Variants in RNASEK observed in about 807,000 individuals in gnomAD.
RNASEK encodes the protein ribonuclease K, also known as ribonuclease kappa.
Under a neutral mutation model 11.2 loss-of-function variants are expected in RNASEK, and 7 were observed. The observed-to-expected ratio is 0.62, with a 90% CI of 0.35 to 1.17. The LOEUF (loss-of-function observed/expected upper bound fraction) is 1.17, where lower values mean the gene tolerates loss of function less well. Ranked by LOEUF, RNASEK falls within the 50% of genes most tolerant of loss-of-function variation. The pLI is 0.02. For synonymous variants in RNASEK, 46 were observed against 49.5 expected (o/e 0.93, Z 0.30); for missense variants, 101 against 126.7 (o/e 0.80, Z 0.97).
Position 7,012,754 on chromosome 17 carries a change from T to G in RNASEK, c.71T>G (p.Ile24Ser), listed in dbSNP as rs375139377. ...CGIVLSAWGV[I>S]MLIMLGIFFN... ...ATCGTCCTCAGCGCCTGGGGAGTGA[T>G]CATGTTGGTGAGGGGACTCCCCGGC... The change falls in exon 1 of 3, where the codon ATC becomes AGC. Residue 24 changes from isoleucine (I) to serine (S), a missense_variant. Coordinates refer to ENST00000593646, the MANE Select transcript of RNASEK (RefSeq NM_001004333.5). 6.2e-7 allele frequency: 1 copy of G among 1,612,750 alleles called. No individual in the cohort carries two copies. Among genetic ancestry groups the G allele is most frequent in the African/African-American group, 1.3e-5 (1 of 75,046 alleles).
rs751538929 is a variant in RNASEK at position 7,014,199 on chromosome 17, C to T, written c.210C>T (p.Phe70=). ...ACGAGCAAGTCAGCTACAACTGTTT[C>T]ATCGCTGCAGGCCTTTACCTCCTCC... The part of the protein sequence containing the change: ...NLYEQVSYNC[F]IAAGLYLLLG... The change falls in exon 3 of 3, where the codon TTC becomes TTT. Residue 70 remains phenylalanine (F), a synonymous_variant. Transcript: ENST00000593646. The surrounding 1 kb of genome is among the most constrained non-coding windows in gnomAD (Gnocchi z 4.5). 1.3e-6 allele frequency: 2 copies of T among 1,598,904 alleles called. No individual in the cohort carries two copies. Among genetic ancestry groups the T allele is most frequent in the African/African-American group, 1.3e-5 (1 of 74,682 alleles).
rs1346204552 is a variant in RNASEK at position 7,014,040 on chromosome 17, A to G, written c.156-105A>G. ...CATAGGATGGTCAAGAAGATTGAAT[A>G]AAGTAATACACGTAACAGCGCCTAA... On this transcript the variant is annotated intron_variant, in intron 2 of 2. Coordinates refer to ENST00000593646, the MANE Select transcript of RNASEK (RefSeq NM_001004333.5). The surrounding 1 kb of genome is among the most constrained non-coding windows in gnomAD (Gnocchi z 4.5). 6 of 1,067,634 alleles carry G rather than the reference A, an allele frequency of 5.6e-6. No homozygotes were observed. The highest frequency in any genetic ancestry group is 8.3e-6 in the Non-Finnish European group (6 of 721,164). 66.1% of individuals were successfully genotyped at this position (1,067,634 alleles called of 1,614,324 possible).
chr17:7,012,660 C>G lies in RNASEK; in HGVS notation c.-24C>G, dbSNP rs1909485641. On this transcript the variant is annotated 5_prime_UTR_variant, in exon 1 of 3. Transcript: ENST00000593646. ...CCGCTTTCCGAGCCCGCTTGCACCT[C>G]GGCGATCCCCGACTCCCTTCTTTAT... is the stretch of plus-strand genomic sequence containing the variant. 1 of 1,611,592 alleles carries G rather than the reference C, an allele frequency of 6.2e-7. No homozygotes were observed. Among genetic ancestry groups the G allele is most frequent in the African/African-American group, 1.3e-5 (1 of 75,072 alleles).
intron 1 of RNASEK, 71 bp downstream of exon 1, chr17:7,012,832 G>T: frequency 7.0e-7 from 1 of 1,438,794 alleles, no homozygotes; most frequent in Non-Finnish European, 9.6e-7. Context: ...GGGAGGCGAG[G>T]AAACTCTGGG....
In RNASEK at chr17:7,014,051, C is replaced by A. The variant is rs1333328846; in HGVS notation, c.156-94C>A. The A allele has an allele frequency of 1.7e-6, 2 of 1,163,038 alleles. No homozygotes were observed. Among genetic ancestry groups the A allele is most frequent in the Admixed American group, 2.1e-5 (1 of 47,922 alleles). The allele number at this position is 1,163,038 out of a possible 1,614,324, so 72.0% of individuals were successfully genotyped here. A position where few individuals can be genotyped will look rare whatever the true frequency, so the allele number is the denominator to read the frequency against. On this transcript the variant is annotated intron_variant, in intron 2 of 2. Coordinates refer to ENST00000593646, the MANE Select transcript of RNASEK (RefSeq NM_001004333.5). This position sits in a 1 kb window ranked among gnomAD's most constrained non-coding sequence, Gnocchi z 4.5. ...CAAGAAGATTGAATAAAGTAATACA[C>A]GTAACAGCGCCTAAACAGGTGTCGG...
intron 2 of RNASEK, 175 bp downstream of exon 2, chr17:7,013,917 A>T (rs536044653): frequency 4.0e-5 from 28 of 703,806 alleles, no homozygotes; most frequent in South Asian, 1.4e-4. Context: ...CTCAGCGGCC[A>T]TCCCAAACCC....
chr17:7,012,980 C>T (rs1229888650), intron 1 of RNASEK: 11 of 560,892 alleles, frequency 2.0e-5, no homozygotes, highest in Non-Finnish European at 3.5e-5. Flanking sequence ...CAAAAATTAG[C>T]CGGGCGTGGT....
rs1037220458 is a variant in RNASEK at position 7,014,081 on chromosome 17, A to G, written c.156-64A>G. On this transcript the variant is annotated intron_variant, in intron 2 of 2. Transcript: ENST00000593646. The surrounding 1 kb of genome is among the most constrained non-coding windows in gnomAD (Gnocchi z 4.5). Reference sequence around the variant, plus strand: ...CAGCGCCTAAACAGGTGTCGGGCACATAGTGCTCAGAAAATGTTGGCTCCT... The same window carrying G: ...CAGCGCCTAAACAGGTGTCGGGCACGTAGTGCTCAGAAAATGTTGGCTCCT... 2.2e-5 allele frequency: 32 copies of G among 1,471,398 alleles called. No individual in the cohort carries two copies. The highest frequency in any genetic ancestry group is 2.8e-5 in the African/African-American group (2 of 71,308). The allele number at this position is 1,471,398 out of a possible 1,614,324, so 91.1% of individuals were successfully genotyped here. A position where few individuals can be genotyped will look rare whatever the true frequency, so the allele number is the denominator to read the frequency against.
Position 7,014,172 on chromosome 17 carries a change from T to C in RNASEK, c.183T>C (p.Leu61=), listed in dbSNP as rs1382448964. 1.9e-6 allele frequency: 3 copies of C among 1,569,138 alleles called. No homozygotes were observed. The highest frequency in any genetic ancestry group is 2.6e-6 in the Non-Finnish European group (3 of 1,156,598). The change falls in exon 3 of 3, where the codon CTT becomes CTC. Residue 61 remains leucine (L), a synonymous_variant. Transcript: ENST00000593646. The surrounding 1 kb of genome is among the most constrained non-coding windows in gnomAD (Gnocchi z 4.5). Reference sequence around the variant, plus strand: ...ATGGCCCCCAGAACATATACAACCTTTACGAGCAAGTCAGCTACAACTGTT... The same window carrying C: ...ATGGCCCCCAGAACATATACAACCTCTACGAGCAAGTCAGCTACAACTGTT... ...FENGPQNIYN[L]YEQVSYNCFI...
intron 1 of RNASEK, chr17:7,012,979 G>A: frequency 1.8e-6 from 1 of 561,062 alleles, no homozygotes; most frequent in Non-Finnish European, 3.1e-6. Flanking sequence ...ACAAAAATTA[G>A]CCGGGCGTGG....
In RNASEK at chr17:7,014,138, C is replaced by T. The variant is rs1909638733; in HGVS notation, c.156-7C>T. On this transcript the variant is annotated splice_polypyrimidine_tract_variant and splice_region_variant and intron_variant, in intron 2 of 2. Transcript: ENST00000593646. The surrounding 1 kb of genome is among the most constrained non-coding windows in gnomAD (Gnocchi z 4.5). ...GTTTGACCCCTTTGCTTCATTCCCA[C>T]CCCCAGGAATGGCCCCCAGAACATA... is the stretch of plus-strand genomic sequence containing the variant. The T allele has an allele frequency of 6.4e-7, 1 of 1,552,844 alleles. No individual in the cohort carries two copies. The highest frequency in any genetic ancestry group is 2.0e-5 in the Admixed American group (1 of 51,068).
intron 2 of RNASEK, 54 bp downstream of exon 2, chr17:7,013,796 C>A: frequency 7.3e-7 from 1 of 1,370,722 alleles, no homozygotes; most frequent in Non-Finnish European, 1.0e-6. Flanking sequence ...GTGGCGAGGC[C>A]TAGGGTCAGA....
chr17:7,013,086 C>T (rs547045111), intron 1 of RNASEK: 56 of 452,106 alleles, frequency 1.2e-4, no homozygotes, highest in Non-Finnish European at 1.9e-4. Context: ...GATCGCGCCA[C>T]TGCACTCCAG....
chr17:7,014,254 C>G lies in RNASEK; in HGVS notation c.265C>G (p.Leu89Val). The G allele has an allele frequency of 6.2e-7, 1 of 1,613,696 alleles. No individual in the cohort carries two copies. The highest frequency in any genetic ancestry group is 1.3e-5 in the African/African-American group (1 of 75,022). The change falls in exon 3 of 3, where the codon CTC becomes GTC. Residue 89 changes from leucine to valine, a missense_variant. Transcript: ENST00000593646. This position sits in a 1 kb window ranked among gnomAD's most constrained non-coding sequence, Gnocchi z 4.5. ...LGGFSFCQVR[L>V]NKRKEYMVR ...AGGCTTCTCTTTCTGCCAAGTTCGG[C>G]TCAATAAGCGCAAGGAATACATGGT...
chr17:7,013,652 T>A lies in RNASEK; in HGVS notation c.79-14T>A, dbSNP rs1349379923. On this transcript the variant is annotated splice_polypyrimidine_tract_variant and intron_variant, in intron 1 of 2. Coordinates refer to ENST00000593646, the MANE Select transcript of RNASEK (RefSeq NM_001004333.5). Reference sequence around the variant, plus strand: ...GTGCCTGAATTCAACAGTCTACCCATTCCCCTTTTCCAGATAATGCTCGGA... The same window carrying A: ...GTGCCTGAATTCAACAGTCTACCCAATCCCCTTTTCCAGATAATGCTCGGA... 1.2e-6 allele frequency: 2 copies of A among 1,611,236 alleles called. No homozygotes were observed. Among genetic ancestry groups the A allele is most frequent in the Admixed American group, 1.7e-5 (1 of 60,022 alleles).
At chr17:7,013,279 G>A in intron 1 of RNASEK, 1 of 1,403,764 alleles carries the variant, frequency 7.1e-7, no homozygotes, top group Non-Finnish European at 9.5e-7. Flanking sequence ...AAAAGAGAGT[G>A]CTTGTTCCAG....
Position 7,014,424 on chromosome 17 carries a change from C to T in RNASEK, c.*138C>T, listed in dbSNP as rs1185300523. On this transcript the variant is annotated 3_prime_UTR_variant, in exon 3 of 3. Transcript: ENST00000593646. This position sits in a 1 kb window ranked among gnomAD's most constrained non-coding sequence, Gnocchi z 4.5. The stretch of plus-strand genomic sequence containing the variant: ...CGGGCGAGAGACTGAATCCCTTCTC[C>T]CATCTCTGGCATCCGGCCCCCGTGG... The T allele has an allele frequency of 6.8e-6, 6 of 879,902 alleles. No individual in the cohort carries two copies. Among genetic ancestry groups the T allele is most frequent in the Non-Finnish European group, 1.0e-5 (6 of 580,516 alleles). 54.5% of individuals were successfully genotyped at this position (879,902 alleles called of 1,614,324 possible).
At chr17:7,013,507 C>A in intron 1 of RNASEK, 159 bp from the exon 2 acceptor site, 2 of 1,580,908 alleles carry the variant, frequency 1.3e-6, no homozygotes, top group Non-Finnish European at 1.7e-6. Flanking sequence ...CACCTCACGC[C>A]CTGTTCCAGG....
Position 7,013,716 on chromosome 17 carries a change from C to T in RNASEK, c.129C>T (p.Asp43=), listed in dbSNP as rs1189714613. 2 of 1,539,692 alleles carry T rather than the reference C, an allele frequency of 1.3e-6. No homozygotes were observed. Among genetic ancestry groups the T allele is most frequent in the African/African-American group, 1.4e-5 (1 of 72,422 alleles). The change falls in exon 2 of 3, where the codon GAC becomes GAT. Residue 43 remains aspartate, a synonymous_variant. Transcript: ENST00000593646. ...TCCATTCCGCTGTGTTGATTGAGGACGTTCCCTTCACGGAGAAAGATTTTG... is the reference window on the plus strand; with the variant it reads ...TCCATTCCGCTGTGTTGATTGAGGATGTTCCCTTCACGGAGAAAGATTTTG... ...FNVHSAVLIE[D]VPFTEKDFEN...
Sources: gnomAD v4.1 joint callset for allele counts on GRCh38, gnomAD v4.1.1 for gene constraint, Gnocchi (gnomAD v3.1) non-coding constraint, MANE v1.5 for transcripts, NCBI Gene and HGNC (gene_info 2026-07-23, HGNC 2026-07-21) for gene names.